CADM2: variants seen among roughly 807,000 people sequenced by gnomAD.
CADM2 encodes cell adhesion molecule 2.
Under a neutral mutation model 49.8 loss-of-function variants are expected in CADM2, and 12 were observed. The observed-to-expected ratio is 0.24, with a 90% confidence interval of 0.15 to 0.39. The LOEUF is 0.39. CADM2 is among the 10% of genes least tolerant of loss of function. The probability of loss-of-function intolerance (pLI) is 1.00; values close to 1 mark genes in which losing one functional copy is unlikely to be tolerated. For missense variants in CADM2, 378 were observed against 492.3 expected, an observed-to-expected ratio of 0.77 and a Z score of 2.20; for synonymous variants, 214 against 175.4, an observed-to-expected ratio of 1.22 and a Z score of -1.74.
chr3:85,083,501 T>C (rs1299369277), intron 1 of CADM2, among the ~76,000 whole-genome samples: 1 of 152,082 alleles, frequency 6.6e-6, no homozygotes, highest in Non-Finnish European at 1.5e-5. Context: ...TACATGATCT[T>C]GAATATAAAG....
chr3:85,941,461 A>C (rs1260153801), intron 7 of CADM2, among the ~76,000 whole-genome samples: 1 of 152,086 alleles, frequency 6.6e-6, no homozygotes. Flanking sequence ...TGATACAGCA[A>C]CTTCGATATT....
intron 1 of CADM2, among the ~76,000 whole-genome samples, chr3:85,596,012 T>C (rs1003896116): frequency 1.3e-5 from 2 of 151,940 alleles, no homozygotes; most frequent in Non-Finnish European, 2.9e-5. Flanking sequence ...TTCTTCACCC[T>C]AAAGTAAGTT....
At chr3:85,240,838 T>C (rs940524490) in intron 1 of CADM2, among the ~76,000 whole-genome samples, 1 of 151,578 alleles carries the variant, frequency 6.6e-6, no homozygotes, top group Non-Finnish European at 1.5e-5. Flanking sequence ...TTTAACTTTT[T>C]AAATTTTTAA....
intron 3 of CADM2, among the ~76,000 whole-genome samples, chr3:85,841,463 GTTCTTTCA>G (rs1394426726): frequency 6.6e-6 from 1 of 151,888 alleles, no homozygotes; most frequent in African/African-American, 2.4e-5. Flanking sequence ...TATTCTAAAT[GTTCTTTCA>G]AATTTTGTTT....
chr3:85,540,700 A>G (rs2061517789), intron 1 of CADM2, among the ~76,000 whole-genome samples: 1 of 152,218 alleles, frequency 6.6e-6, no homozygotes, highest in Non-Finnish European at 1.5e-5. Flanking sequence ...ATTTTATTGC[A>G]ATAGAAACTG....
At chr3:85,114,301 A>G (rs1455973905) in intron 1 of CADM2, among the ~76,000 whole-genome samples, 3 of 152,078 alleles carry the variant, frequency 2.0e-5, no homozygotes, top group Non-Finnish European at 4.4e-5. Context: ...AATTGTGGTG[A>G]AAGTAGGTGT....
At chr3:85,192,127 T>G (rs942179922) in intron 1 of CADM2, among the ~76,000 whole-genome samples, 5 of 152,066 alleles carry the variant, frequency 3.3e-5, no homozygotes, top group African/African-American at 1.2e-4. Flanking sequence ...TCAAATTGTC[T>G]AGAAAGAAGC....
chr3:85,319,650 A>T (rs1346345197), intron 1 of CADM2, among the ~76,000 whole-genome samples: 1 of 152,206 alleles, frequency 6.6e-6, no homozygotes, highest in Non-Finnish European at 1.5e-5. Context: ...AGGAACATGG[A>T]TGTAGCTGTA....
At position 85,144,620 on chromosome 3, in the gene CADM2, A is replaced by AAAAGAAAGAAAGAAAG. The variant is rs60207038; in HGVS notation, c.61+184963_61+184978dup. Among the ~76,000 whole-genome samples the AAAAGAAAGAAAGAAAG allele has an allele frequency of 2.3e-3, 320 of 136,372 alleles. 1 individual carries two copies. Among genetic ancestry groups the AAAAGAAAGAAAGAAAG allele is most frequent in the Middle Eastern group, 0.019 (5 of 264 alleles). 89.5% of individuals were successfully genotyped at this position (136,372 alleles called of 152,430 possible). A position where few individuals can be genotyped will look rare whatever the true frequency, so the allele number is the denominator to read the frequency against. ...GAGTGAGACTCCATCTCAAAAAAAA[A>AAAAGAAAGAAAGAAAG]AAAGAAAGAAAGAAAGAAAGAAAGA... is the stretch of plus-strand genomic sequence containing the variant. On this transcript the variant is annotated intron_variant, in intron 1 of 9. Coordinates refer to ENST00000383699, the MANE Select transcript of CADM2 (RefSeq NM_001167675.2).
At chr3:85,657,016 C>T (rs1194546207) in intron 1 of CADM2, among the ~76,000 whole-genome samples, 1 of 152,168 alleles carries the variant, frequency 6.6e-6, no homozygotes, top group Non-Finnish European at 1.5e-5. Context: ...AGCCGTTTAT[C>T]ATGCAATCCC....
intron 1 of CADM2, among the ~76,000 whole-genome samples, chr3:85,075,502 T>C (rs1335772113): frequency 6.6e-6 from 1 of 152,174 alleles, no homozygotes; most frequent in African/African-American, 2.4e-5. Context: ...TAGAAAAGAT[T>C]ATTCTTTGCC....
intron 1 of CADM2, among the ~76,000 whole-genome samples, chr3:85,027,031 C>A (rs2034757590): frequency 6.8e-6 from 1 of 148,010 alleles, no homozygotes; most frequent in African/African-American, 2.5e-5. Flanking sequence ...CTACTTAGTG[C>A]TCTTAATATA....
intron 1 of CADM2, among the ~76,000 whole-genome samples, chr3:84,982,821 C>A (rs1296103889): frequency 6.7e-6 from 1 of 149,558 alleles, no homozygotes; most frequent in Non-Finnish European, 1.5e-5. Flanking sequence ...TCTCAGCTCA[C>A]TGCAACCTCC....
intron 1 of CADM2, among the ~76,000 whole-genome samples, chr3:85,474,700 G>C (rs2038907919): frequency 1.3e-5 from 2 of 151,940 alleles, no homozygotes; most frequent in South Asian, 4.2e-4. Flanking sequence ...TTGTGTGAGT[G>C]TGTGTGTGAT....
chr3:85,942,321 TG>T (rs1722023039), intron 7 of CADM2, among the ~76,000 whole-genome samples: 1 of 74,020 alleles, frequency 1.4e-5, no homozygotes, highest in African/African-American at 1.4e-4. Context: ...CATGCCAAAT[TG>T]TTTTTTTTTG....
At chr3:85,568,444 T>TC (rs2062350890) in intron 1 of CADM2, among the ~76,000 whole-genome samples, 15 of 37,780 alleles carry the variant, frequency 4.0e-4, no homozygotes, top group South Asian at 1.6e-3. Flanking sequence ...TCTTTCTTTC[T>TC]TTCTTTCTTT....
chr3:85,699,623 T>G (rs772511541), intron 1 of CADM2, among the ~76,000 whole-genome samples: 1 of 152,198 alleles, frequency 6.6e-6, no homozygotes, highest in Non-Finnish European at 1.5e-5. Context: ...AAGCTGAAGC[T>G]AGAGCAGCTG....
At chr3:85,376,482 G>T (rs1576445256) in intron 1 of CADM2, among the ~76,000 whole-genome samples, 1 of 151,962 alleles carries the variant, frequency 6.6e-6, no homozygotes, top group Non-Finnish European at 1.5e-5. Context: ...AAAAAGAAAA[G>T]CTCTTAAAAC....
intron 1 of CADM2, among the ~76,000 whole-genome samples, chr3:85,416,066 C>A (rs549320719): frequency 6.6e-6 from 1 of 152,130 alleles, no homozygotes; most frequent in Non-Finnish European, 1.5e-5. Context: ...CAAAACATTT[C>A]TTTGTTAAAA....
Sources: gnomAD v4.1 joint callset for allele counts (sites outside exome capture counted in the v4.1 genomes callset) on GRCh38, gnomAD v4.1.1 for gene constraint, MANE v1.5 for transcripts, NCBI Gene and HGNC (gene_info 2026-07-23, HGNC 2026-07-21) for gene names.